NHERF4: variants seen among roughly 807,000 people sequenced by gnomAD.
The protein encoded by NHERF4 is Na(+)/H(+) exchange regulatory cofactor NHE-RF4.
the NHERF4 span, chr11:119,189,565 A>C: frequency 3.9e-4 from 602 of 1,534,708 alleles, 1 homozygote; most frequent in South Asian, 6.6e-4. This position sits in a 1 kb window ranked among gnomAD's most constrained non-coding sequence, Gnocchi z 5.8. Flanking sequence ...TGGTGAAGGC[A>C]GGATGCTCTC....
the NHERF4 span, chr11:119,188,963 T>C: frequency 6.2e-7 from 1 of 1,613,392 alleles, no homozygotes; most frequent in African/African-American, 1.3e-5. Flanking sequence ...CCAGCAAACT[T>C]TCCCCCGGTG....
the NHERF4 span, chr11:119,190,131 T>C: frequency 4.7e-6 from 3 of 638,846 alleles, no homozygotes; most frequent in South Asian, 7.5e-5. This position sits in a 1 kb window ranked among gnomAD's most constrained non-coding sequence, Gnocchi z 4.2. Context: ...CTGAGATGTC[T>C]GTATGACAGC....
chr11:119,186,182 C>G, the NHERF4 span: 10 of 1,614,070 alleles, frequency 6.2e-6, no homozygotes, highest in African/African-American at 1.3e-5. This position sits in a 1 kb window ranked among gnomAD's most constrained non-coding sequence, Gnocchi z 4.4. Flanking sequence ...CCCTCACCCC[C>G]TGGCAACCAT....
At chr11:119,188,003 C>T in the NHERF4 span, 799 of 1,569,522 alleles carry the variant, frequency 5.1e-4, 3 homozygotes, top group East Asian at 8.6e-3. Flanking sequence ...AGAACAGTGT[C>T]GCCAGCTGGG....
the NHERF4 span, chr11:119,186,712 G>C: frequency 6.3e-7 from 1 of 1,576,258 alleles, no homozygotes; most frequent in Non-Finnish European, 8.6e-7. The surrounding 1 kb of genome is among the most constrained non-coding windows in gnomAD (Gnocchi z 4.4). Context: ...GTCCAGGAGA[G>C]CATGCTAGCA....
chr11:119,188,177 G>A, the NHERF4 span: 2 of 1,517,432 alleles, frequency 1.3e-6, no homozygotes, highest in Admixed American at 2.1e-5. Flanking sequence ...GTGGGGGAAG[G>A]TGGGCCTTGG....
chr11:119,186,917 T>A, the NHERF4 span, among the ~76,000 whole-genome samples: 1 of 151,882 alleles, frequency 6.6e-6, no homozygotes, highest in Non-Finnish European at 1.5e-5. The surrounding 1 kb of genome is among the most constrained non-coding windows in gnomAD (Gnocchi z 4.4). Flanking sequence ...GGCAGGTGGA[T>A]CACCCAAGGT....
chr11:119,188,394 A>G, the NHERF4 span: 11 of 1,613,948 alleles, frequency 6.8e-6, no homozygotes, highest in Non-Finnish European at 8.5e-6. Flanking sequence ...CTGCCAGCCA[A>G]GAAGGCTGGG....
chr11:119,190,203 TA>T, the NHERF4 span: 1 of 1,188,722 alleles, frequency 8.4e-7, no homozygotes, highest in East Asian at 2.5e-5. The surrounding 1 kb of genome is among the most constrained non-coding windows in gnomAD (Gnocchi z 4.2). Context: ...AAAATAAAAA[TA>T]AAAATAAGAT....
chr11:119,187,359 A>G, the NHERF4 span: 1 of 1,613,776 alleles, frequency 6.2e-7, no homozygotes. Context: ...CTCAGCTGGG[A>G]GAAGATGCCC....
chr11:119,185,877 G>A, the NHERF4 span: 1 of 1,612,866 alleles, frequency 6.2e-7, no homozygotes, highest in East Asian at 2.2e-5. Flanking sequence ...GCACATCTGG[G>A]GAGAAGAATG....
At chr11:119,188,311 C>G in the NHERF4 span, 78 of 1,609,204 alleles carry the variant, frequency 4.8e-5, no homozygotes, top group Middle Eastern at 1.7e-4. Context: ...TACACAGTGG[C>G]CTAGGATAGC....
the NHERF4 span, chr11:119,186,516 G>A: frequency 6.2e-7 from 1 of 1,614,180 alleles, no homozygotes; most frequent in Non-Finnish European, 8.5e-7. The surrounding 1 kb of genome is among the most constrained non-coding windows in gnomAD (Gnocchi z 4.4). Context: ...TCTGTTTACT[G>A]AGCAAAGAGG....
chr11:119,188,180 G>C, the NHERF4 span: 3 of 1,515,236 alleles, frequency 2.0e-6, no homozygotes, highest in Non-Finnish European at 2.7e-6. Flanking sequence ...GGGGAAGGTG[G>C]GCCTTGGGGT....
chr11:119,187,400 G>T, the NHERF4 span: 1 of 1,613,968 alleles, frequency 6.2e-7, no homozygotes, highest in Non-Finnish European at 8.5e-7. Flanking sequence ...CCAGGGGTCC[G>T]GCCCCGGCTG....
At chr11:119,186,622 G>A in the NHERF4 span, 2 of 1,613,644 alleles carry the variant, frequency 1.2e-6, no homozygotes, top group Non-Finnish European at 1.7e-6. The surrounding 1 kb of genome is among the most constrained non-coding windows in gnomAD (Gnocchi z 4.4). Context: ...CCAGCGCCAG[G>A]GTCTTCAGGA....
the NHERF4 span, chr11:119,187,994 G>T: frequency 4.5e-6 from 7 of 1,572,882 alleles, no homozygotes; most frequent in South Asian, 5.8e-5. Context: ...AGAGGTGGAA[G>T]AACAGTGTCG....
chr11:119,189,498 C>T, the NHERF4 span: 2 of 1,613,996 alleles, frequency 1.2e-6, no homozygotes, highest in Non-Finnish European at 1.7e-6. This position sits in a 1 kb window ranked among gnomAD's most constrained non-coding sequence, Gnocchi z 5.8. Flanking sequence ...TGTAGAGCAC[C>T]CCTGCTTGGT....
At chr11:119,188,245 A>T in the NHERF4 span, 1 of 1,564,610 alleles carries the variant, frequency 6.4e-7, no homozygotes, top group Middle Eastern at 1.7e-4. Flanking sequence ...TCCCTGTCTG[A>T]GCTCTGGCCC....
Sources: gnomAD v4.1 joint callset for allele counts (sites outside exome capture counted in the v4.1 genomes callset) on GRCh38, gnomAD v4.1.1 for gene constraint, Gnocchi (gnomAD v3.1) non-coding constraint, MANE v1.5 for transcripts, NCBI Gene and HGNC (gene_info 2026-07-23, HGNC 2026-07-21) for gene names.